The following BTBD9 variants were observed in gnomAD, a reference collection of about 807,000 sequenced individuals.
BTBD9 encodes BTB/POZ domain-containing protein 9.
Under a neutral mutation model 64.3 loss-of-function variants are expected in BTBD9, and 49 were observed. The ratio of observed to expected loss-of-function variants is 0.76; its 90% CI spans 0.61 to 0.97. BTBD9 has a LOEUF of 0.97. BTBD9 is among the 50% of genes least tolerant of loss of function. The pLI is 0.00. For synonymous variants in BTBD9, 260 were observed against 274.7 expected (o/e 0.95, Z 0.53); for missense variants, 598 against 762.1 (o/e 0.78, Z 2.53).
At chr6:38,581,001 TG>T (rs780472128) in intron 4 of BTBD9, among the ~76,000 whole-genome samples, 1 of 152,214 alleles carries the variant, frequency 6.6e-6, no homozygotes, top group Non-Finnish European at 1.5e-5. Context: ...GAGATCAGCC[TG>T]GGCAACACAG....
chr6:38,257,181 G>C (rs957311323), intron 8 of BTBD9, among the ~76,000 whole-genome samples: 1 of 150,838 alleles, frequency 6.6e-6, no homozygotes, highest in Non-Finnish European at 1.5e-5. Context: ...GAGATTATAG[G>C]TGCGAGCCAC....
rs1766768635 is a variant in BTBD9, at chr6:38,171,601, TGTGAGA to T, written c.*3378_*3383del. 4.1e-5 allele frequency: 3 copies of T among 73,722 alleles called. No individual in the cohort carries two copies. The highest frequency in any genetic ancestry group is 1.8e-4 in the African/African-American group (3 of 16,734). 4.6% of individuals were successfully genotyped at this position (73,722 alleles called of 1,614,324 possible). A position where few individuals can be genotyped will look rare whatever the true frequency, so the allele number is the denominator to read the frequency against. On this transcript the variant is annotated 3_prime_UTR_variant, in exon 11 of 11. Coordinates refer to ENST00000481247, the MANE Select transcript of BTBD9 (RefSeq NM_001099272.2). Reference sequence around the variant, plus strand: ...GTGTGTGTGTGTGTGTGTGTGTGTGTGTGAGAGGGAGAGACGGTGGGGGCGGGGGGT... The same window carrying T: ...GTGTGTGTGTGTGTGTGTGTGTGTGTGGGAGAGACGGTGGGGGCGGGGGGT...
chr6:38,287,988 A>G (rs923126862), intron 8 of BTBD9, among the ~76,000 whole-genome samples: 4 of 152,202 alleles, frequency 2.6e-5, no homozygotes, highest in African/African-American at 9.6e-5. Context: ...TCTCTAACCA[A>G]TACAAATTGA....
intron 6 of BTBD9, among the ~76,000 whole-genome samples, chr6:38,356,601 C>T (rs1158496940): frequency 6.6e-6 from 1 of 152,016 alleles, no homozygotes; most frequent in Non-Finnish European, 1.5e-5. Flanking sequence ...TTAAAGTTTC[C>T]ATATCCTTAT....
chr6:38,234,041 T>A (rs1436633519), intron 9 of BTBD9, among the ~76,000 whole-genome samples: 13 of 152,240 alleles, frequency 8.5e-5, no homozygotes, highest in Admixed American at 2.0e-4. Context: ...CAACATCTAA[T>A]GGATGTTAAT....
At chr6:38,318,434 G>GGGT (rs977841176) in intron 7 of BTBD9, among the ~76,000 whole-genome samples, 2 of 152,144 alleles carry the variant, frequency 1.3e-5, no homozygotes, top group African/African-American at 4.8e-5. Flanking sequence ...TAAGGGACTT[G>GGGT]GGTGTTTGAT....
chr6:38,352,646 T>G (rs2127593630), intron 6 of BTBD9, among the ~76,000 whole-genome samples: 1 of 152,324 alleles, frequency 6.6e-6, no homozygotes, highest in Non-Finnish European at 1.5e-5. Flanking sequence ...GTAGTAGTGG[T>G]AGAGAGAAGG....
intron 9 of BTBD9, among the ~76,000 whole-genome samples, chr6:38,255,828 C>T (rs950250594): frequency 2.6e-5 from 4 of 151,938 alleles, no homozygotes; most frequent in Non-Finnish European, 5.9e-5. Flanking sequence ...GAAAACAATC[C>T]TAAAAAATGT....
At chr6:38,218,106 G>C (rs1763075787) in intron 9 of BTBD9, among the ~76,000 whole-genome samples, 1 of 152,008 alleles carries the variant, frequency 6.6e-6, no homozygotes, top group South Asian at 2.1e-4. Flanking sequence ...CTAGGAACTG[G>C]CTCTCACTGG....
intron 4 of BTBD9, chr6:38,588,360 C>T (rs1428132755): frequency 1.2e-6 from 1 of 867,630 alleles, no homozygotes; most frequent in Non-Finnish European, 2.0e-6. Context: ...ATACTGTGGC[C>T]CCTGCCTCTC....
At chr6:38,434,672 C>T (rs1273485245) in intron 6 of BTBD9, among the ~76,000 whole-genome samples, 1 of 151,934 alleles carries the variant, frequency 6.6e-6, no homozygotes, top group Non-Finnish European at 1.5e-5. Flanking sequence ...CATAGTTTGA[C>T]TCTTTTTGTC....
rs147971818 is a variant in BTBD9 at position 38,446,801 on chromosome 6, G to T, written c.1155-101708C>A. On this transcript the variant is annotated intron_variant, in intron 6 of 10. Transcript: ENST00000481247. ...AGTTGAACTTGAACCCAGTTTGTTG[G>T]ACGTCAAAGCCAATGCTCACTATAC... Among the ~76,000 whole-genome samples the T allele has an allele frequency of 3.3e-3, 497 of 152,264 alleles. 2 individuals carry two copies. The highest frequency in any genetic ancestry group is 0.011 in the African/African-American group (471 of 41,548).
At chr6:38,272,702 T>C (rs984235416) in intron 8 of BTBD9, among the ~76,000 whole-genome samples, 4 of 152,178 alleles carry the variant, frequency 2.6e-5, no homozygotes, top group African/African-American at 9.6e-5. Flanking sequence ...ATATTATTTA[T>C]CTGGTTACCA....
intron 6 of BTBD9, among the ~76,000 whole-genome samples, chr6:38,429,143 G>A (rs534134023): frequency 6.6e-6 from 1 of 151,792 alleles, no homozygotes; most frequent in Admixed American, 6.6e-5. Context: ...GATACTTCAT[G>A]GGCATCACTG....
chr6:38,544,991 A>G (rs1774468099), intron 6 of BTBD9, among the ~76,000 whole-genome samples: 1 of 149,870 alleles, frequency 6.7e-6, no homozygotes, highest in African/African-American at 2.4e-5. Flanking sequence ...GTAGGAGATG[A>G]AGCCTGAGAG....
At chr6:38,202,509 C>G (rs968895839) in intron 9 of BTBD9, among the ~76,000 whole-genome samples, 19 of 152,146 alleles carry the variant, frequency 1.2e-4, no homozygotes. Flanking sequence ...CAGTCACTAC[C>G]TGACTTCAAA....
At chr6:38,622,975 T>C (rs903396241) in intron 1 of BTBD9, among the ~76,000 whole-genome samples, 1 of 152,164 alleles carries the variant, frequency 6.6e-6, no homozygotes, top group African/African-American at 2.4e-5. Context: ...TCCTAGTAGA[T>C]ACAAAACAGT....
In BTBD9 at chr6:38,373,404, G is replaced by A. The variant is rs188893028; in HGVS notation, c.1155-28311C>T. On this transcript the variant is annotated intron_variant, in intron 6 of 10. Transcript: ENST00000481247. Reference sequence around the variant, plus strand: ...ATTAAATCATCTCTGTATTTCCCACGTTCTTAGTATATTACTTAAAGCCCC... The same window carrying A: ...ATTAAATCATCTCTGTATTTCCCACATTCTTAGTATATTACTTAAAGCCCC... Among the ~76,000 whole-genome samples, 6 of 152,192 alleles carry A rather than the reference G, an allele frequency of 3.9e-5. No homozygotes were observed. In the East Asian group the frequency reaches 7.7e-4, roughly 20 times the overall value.
At chr6:38,464,200 A>C (rs978557631) in intron 6 of BTBD9, among the ~76,000 whole-genome samples, 1 of 152,214 alleles carries the variant, frequency 6.6e-6, no homozygotes, top group African/African-American at 2.4e-5. Flanking sequence ...AGAAGAGATC[A>C]AACTTGCCAA....
Sources: allele counts gnomAD v4.1 joint callset (sites outside exome capture counted in the v4.1 genomes callset), GRCh38; gene constraint gnomAD v4.1.1; transcripts MANE v1.5; gene names NCBI Gene and HGNC (gene_info 2026-07-23, HGNC 2026-07-21).